The following PCLO variants were observed in gnomAD, a reference collection of about 807,000 sequenced individuals.
PCLO encodes piccolo presynaptic cytomatrix protein, also known as protein piccolo.
Under a neutral mutation model 427.5 loss-of-function variants are expected in PCLO, and 82 were observed. The ratio of observed to expected loss-of-function variants is 0.19; its 90% CI spans 0.16 to 0.23. The LOEUF (loss-of-function observed/expected upper bound fraction) is 0.23, where lower values mean the gene tolerates loss of function less well. Among genes scored for constraint, PCLO ranks in the 10% least tolerant of loss-of-function variants. PCLO has a pLI of 1.00. For synonymous variants in PCLO, 2,357 were observed against 2,155.4 expected (o/e 1.09, Z -2.59); for missense variants, 6,239 against 6,115.9 (o/e 1.02, Z -0.67).
chr7:82,820,355 T>C (rs143444148), intron 20 of PCLO: 1 of 228,844 alleles, frequency 4.4e-6, no homozygotes, highest in African/African-American at 2.3e-5. Context: ...TGTCCAATCA[T>C]TACAGCTGTC....
rs576917950 is a variant in PCLO at position 83,128,219 on chromosome 7, A to G, written c.3300+6031T>C. Among the ~76,000 whole-genome samples, 5 of 152,230 alleles carry G rather than the reference A, an allele frequency of 3.3e-5. No individual in the cohort carries two copies. In the South Asian group the frequency reaches 1.0e-3, roughly 32 times the overall value. On this transcript the variant is annotated intron_variant, in intron 3 of 24. Coordinates refer to ENST00000333891, the MANE Select transcript of PCLO (RefSeq NM_033026.6). ...GGATAAAGCCCAAGACCGGGGATGT[A>G]AAACGAAATGGCTTGTGCAAAAGAT...
At chr7:82,951,549 T>C in intron 5 of PCLO, 59 bp from the exon 6 acceptor site, 1 of 1,186,430 alleles carries the variant, frequency 8.4e-7, no homozygotes, top group South Asian at 1.5e-5. Flanking sequence ...TTTTTGAGTT[T>C]GAAAACCCTC....
intron 3 of PCLO, among the ~76,000 whole-genome samples, chr7:82,978,993 AAT>A: frequency 6.6e-6 from 1 of 152,084 alleles, no homozygotes; most frequent in Non-Finnish European, 1.5e-5. Flanking sequence ...GCAAAAGATA[AAT>A]ATCAGTTATA....
intron 11 of PCLO, among the ~76,000 whole-genome samples, chr7:82,846,934 C>T (rs780300552): frequency 1.3e-5 from 2 of 152,076 alleles, no homozygotes; most frequent in Non-Finnish European, 2.9e-5. Flanking sequence ...AAGCATGTTT[C>T]CATAAAAGCA....
At chr7:83,146,426 A>G (rs567029916) in intron 2 of PCLO, among the ~76,000 whole-genome samples, 14 of 152,298 alleles carry the variant, frequency 9.2e-5, no homozygotes, top group African/African-American at 3.4e-4. Flanking sequence ...TTATTTCTAA[A>G]TGGAGCTTAT....
At chr7:82,761,704 A>C (rs893925802) in intron 22 of PCLO, among the ~76,000 whole-genome samples, 1 of 152,050 alleles carries the variant, frequency 6.6e-6, no homozygotes, top group Non-Finnish European at 1.5e-5. Flanking sequence ...AAAATACACA[A>C]AATTTATCAC....
intron 22 of PCLO, among the ~76,000 whole-genome samples, chr7:82,768,196 A>T (rs1790571697): frequency 2.0e-5 from 3 of 152,098 alleles, no homozygotes; most frequent in African/African-American, 7.2e-5. Context: ...GCACAACTGG[A>T]TGGATCATTT....
At chr7:83,001,145 A>C (rs931461130) in intron 3 of PCLO, among the ~76,000 whole-genome samples, 3 of 152,028 alleles carry the variant, frequency 2.0e-5, no homozygotes, top group Non-Finnish European at 1.5e-5. Context: ...AATTTGACAA[A>C]CTTACTGCAG....
intron 6 of PCLO, among the ~76,000 whole-genome samples, chr7:82,917,559 C>T (rs1386401182): frequency 1.3e-5 from 2 of 151,992 alleles, no homozygotes; most frequent in African/African-American, 4.8e-5. Flanking sequence ...GTTAATTTGT[C>T]ATAAACTTGC....
chr7:82,801,302 C>T (rs1273632848), intron 22 of PCLO, among the ~76,000 whole-genome samples: 1 of 151,198 alleles, frequency 6.6e-6, no homozygotes, highest in Non-Finnish European at 1.5e-5. Context: ...TTTTTCAGTA[C>T]CCCAAGTTAC....
At chr7:82,868,715 T>C (rs549331015) in intron 10 of PCLO, among the ~76,000 whole-genome samples, 1 of 152,292 alleles carries the variant, frequency 6.6e-6, no homozygotes, top group East Asian at 1.9e-4. Flanking sequence ...TATCACTGGT[T>C]TTAGCTTTGT....
intron 15 of PCLO, among the ~76,000 whole-genome samples, chr7:82,837,554 C>T (rs1584030607): frequency 6.6e-6 from 1 of 151,930 alleles, no homozygotes; most frequent in African/African-American, 2.4e-5. Context: ...TCCTTGAGTA[C>T]TGACTTATAT....
At chr7:83,057,969 C>A (rs148623897) in intron 3 of PCLO, among the ~76,000 whole-genome samples, 3 of 152,020 alleles carry the variant, frequency 2.0e-5, no homozygotes, top group Non-Finnish European at 4.4e-5. Flanking sequence ...CAGGATGGGA[C>A]AAAATGTATG....
intron 20 of PCLO, among the ~76,000 whole-genome samples, chr7:82,818,997 TTA>T (rs1363147240): frequency 6.6e-6 from 1 of 152,198 alleles, no homozygotes; most frequent in Non-Finnish European, 1.5e-5. Flanking sequence ...CAGGTTCTTT[TTA>T]TATGTTTGTA....
chr7:82,794,445 C>T (rs1331027782), intron 22 of PCLO, among the ~76,000 whole-genome samples: 1 of 54,942 alleles, frequency 1.8e-5, no homozygotes, highest in Non-Finnish European at 5.8e-5. Context: ...CATGCTAGTT[C>T]ATAAATTTTT....
rs554937189 is a variant in PCLO at position 83,057,052 on chromosome 7, A to G, written c.3300+77198T>C. On this transcript the variant is annotated intron_variant, in intron 3 of 24. Coordinates refer to ENST00000333891, the MANE Select transcript of PCLO (RefSeq NM_033026.6). ...TAATATTTGTGCTATTAAGCCATAC[A>G]ACTACTTTAAAAATGCTTTTTCTTT... is the stretch of plus-strand genomic sequence containing the variant. Among the ~76,000 whole-genome samples, 7 of 151,522 alleles carry G rather than the reference A, an allele frequency of 4.6e-5. No individual in the cohort carries two copies. The East Asian group carries it at 1.4e-3, about 29-fold the overall frequency.
chr7:82,881,529 G>A (rs1793508395), intron 9 of PCLO, among the ~76,000 whole-genome samples: 1 of 152,072 alleles, frequency 6.6e-6, no homozygotes, highest in Non-Finnish European at 1.5e-5. Context: ...TCATGTCTTT[G>A]GTAAATAGAA....
chr7:82,981,060 G>A (rs1490904955), intron 3 of PCLO, among the ~76,000 whole-genome samples: 1 of 152,092 alleles, frequency 6.6e-6, no homozygotes. Context: ...TGCATGTTCT[G>A]CACATGTACC....
chr7:82,939,651 A>T (rs2116374754), intron 6 of PCLO, among the ~76,000 whole-genome samples: 1 of 146,384 alleles, frequency 6.8e-6, no homozygotes, highest in African/African-American at 2.6e-5. Context: ...CTGGAAATAT[A>T]TATATATATA....
Sources: gnomAD v4.1 joint callset for allele counts (sites outside exome capture counted in the v4.1 genomes callset) on GRCh38, gnomAD v4.1.1 for gene constraint, MANE v1.5 for transcripts, NCBI Gene and HGNC (gene_info 2026-07-23, HGNC 2026-07-21) for gene names.